CCDC63: variants seen among roughly 807,000 people sequenced by gnomAD.
CCDC63 encodes coiled-coil domain containing 63.
CCDC63 carries 54 observed loss-of-function variants against 63.6 expected under a neutral mutation model. The observed-to-expected ratio is 0.85, with a 90% CI of 0.68 to 1.07. The LOEUF is 1.07. CCDC63 is among the 50% of genes least tolerant of loss of function. The probability of loss-of-function intolerance (pLI) is 0.00; values close to 1 mark genes in which losing one functional copy is unlikely to be tolerated. For synonymous variants in CCDC63, 253 were observed against 266.1 expected, an observed-to-expected ratio of 0.95 and a Z score of 0.48; for missense variants, 637 against 689.6, an observed-to-expected ratio of 0.92 and a Z score of 0.86.
At chr12:110,885,085 T>G (rs1284059498) in intron 8 of CCDC63, among the ~76,000 whole-genome samples, 1 of 152,078 alleles carries the variant, frequency 6.6e-6, no homozygotes, top group Admixed American at 6.6e-5. Context: ...TGGCATGTTT[T>G]ATTAACCAGC....
chr12:110,899,750 G>A (rs1022708061), intron 10 of CCDC63, among the ~76,000 whole-genome samples: 3 of 151,250 alleles, frequency 2.0e-5, no homozygotes, highest in African/African-American at 7.3e-5. Context: ...ACTGTTGGGA[G>A]GCTTAAATAA....
intron 8 of CCDC63, among the ~76,000 whole-genome samples, chr12:110,890,502 T>C (rs1455248328): frequency 6.6e-6 from 1 of 152,098 alleles, no homozygotes; most frequent in Non-Finnish European, 1.5e-5. Context: ...TGTGGGAAAG[T>C]GTAGGCAATT....
chr12:110,855,927 G>A (rs936648965), intron 3 of CCDC63, among the ~76,000 whole-genome samples: 1 of 152,010 alleles, frequency 6.6e-6, no homozygotes, highest in Non-Finnish European at 1.5e-5. Flanking sequence ...ATTTAAGGAA[G>A]CACTTTTCCC....
rs367582595 is a variant in CCDC63, at chr12:110,898,974, G to T, written c.1191G>T (p.Glu397Asp). The change falls in exon 10 of 12, where the codon GAG becomes GAT. Residue 397 changes from glutamate (E) to aspartate (D), a missense_variant. Coordinates refer to ENST00000308208, the MANE Select transcript of CCDC63 (RefSeq NM_152591.3). ...RKTTEEADMYESKYGEVSKTL... is the reference protein window; with the variant it reads ...RKTTEEADMYDSKYGEVSKTL... ...CCACGGAGGAGGCAGATATGTATGA[G>T]AGCAAGTACGGGGAGGTCAGCAAGA... The T allele has an allele frequency of 1.2e-6, 2 of 1,612,538 alleles. No individual in the cohort carries two copies. The highest frequency in any genetic ancestry group is 2.2e-5 in the South Asian group (2 of 90,604).
intron 4 of CCDC63, among the ~76,000 whole-genome samples, chr12:110,862,509 C>G (rs1173486019): frequency 6.6e-6 from 1 of 152,236 alleles, no homozygotes; most frequent in African/African-American, 2.4e-5. Flanking sequence ...GGCTGAATGA[C>G]TCCCAGCATC....
At chr12:110,894,003 A>T (rs1471825208) in intron 9 of CCDC63, among the ~76,000 whole-genome samples, 3 of 151,918 alleles carry the variant, frequency 2.0e-5, no homozygotes, top group Non-Finnish European at 4.4e-5. Flanking sequence ...AAAAAAAAAA[A>T]AAAAGGAAAT....
At chr12:110,895,984 A>G (rs959071364) in intron 9 of CCDC63, among the ~76,000 whole-genome samples, 6 of 152,144 alleles carry the variant, frequency 3.9e-5, no homozygotes, top group African/African-American at 1.4e-4. Context: ...AACTAGGCCG[A>G]TTATGAGGCT....
chr12:110,890,214 G>A (rs1339252586), intron 8 of CCDC63, among the ~76,000 whole-genome samples: 1 of 151,948 alleles, frequency 6.6e-6, no homozygotes, highest in Non-Finnish European at 1.5e-5. Flanking sequence ...TGAAGTGGGA[G>A]GATTGCTTGA....
chr12:110,860,079 C>A (rs2070832970), intron 4 of CCDC63, among the ~76,000 whole-genome samples: 1 of 152,170 alleles, frequency 6.6e-6, no homozygotes, highest in Non-Finnish European at 1.5e-5. Context: ...AATGCAGGAA[C>A]CATTTACAAG....
chr12:110,854,500 G>T (rs2136644327), intron 3 of CCDC63, among the ~76,000 whole-genome samples: 1 of 151,966 alleles, frequency 6.6e-6, no homozygotes, highest in Middle Eastern at 3.4e-3. Flanking sequence ...TCACCACGTT[G>T]GCCAGGCTGG....
intron 4 of CCDC63, among the ~76,000 whole-genome samples, chr12:110,867,176 T>C (rs1405662926): frequency 1.5e-4 from 17 of 114,472 alleles, no homozygotes; most frequent in South Asian, 6.2e-4. Context: ...GGCGGGGGGC[T>C]GACACCCCCA....
rs745675780 is a variant in CCDC63 at position 110,884,275 on chromosome 12, GC to G, written c.1074+28del. The G allele has an allele frequency of 6.3e-6, 10 of 1,591,516 alleles. No homozygotes were observed. The South Asian group carries it at 9.9e-5, about 16-fold the overall frequency. On this transcript the variant is annotated intron_variant, in intron 8 of 11. Transcript: ENST00000308208. ...GGTCAGGGCGGCTCTGCTTTCCCAGGCCCTGGGCCCCTGTGTCCACAGCAGC... is the reference window on the plus strand; with the variant it reads ...GGTCAGGGCGGCTCTGCTTTCCCAGGCCTGGGCCCCTGTGTCCACAGCAGC...
chr12:110,898,120 A>G (rs1358228215), intron 9 of CCDC63, among the ~76,000 whole-genome samples: 1 of 151,732 alleles, frequency 6.6e-6, no homozygotes, highest in Non-Finnish European at 1.5e-5. Flanking sequence ...CATCTCTAAA[A>G]AAAATACAAA....
At chr12:110,906,700 A>G (rs1268507356) in intron 11 of CCDC63, among the ~76,000 whole-genome samples, 1 of 152,070 alleles carries the variant, frequency 6.6e-6, no homozygotes, top group Non-Finnish European at 1.5e-5. Context: ...TGTGTGTTTC[A>G]GCTGAGGAGA....
intron 1 of CCDC63, among the ~76,000 whole-genome samples, chr12:110,851,195 T>C (rs2070700536): frequency 6.6e-6 from 1 of 152,206 alleles, no homozygotes; most frequent in Non-Finnish European, 1.5e-5. Flanking sequence ...TAATGGAATA[T>C]ACTGATTTCT....
intron 4 of CCDC63, among the ~76,000 whole-genome samples, chr12:110,859,451 C>T (rs1210773568): frequency 1.3e-5 from 2 of 151,946 alleles, no homozygotes; most frequent in East Asian, 1.9e-4. Context: ...GGATTACAGG[C>T]GTGCACCACC....
At chr12:110,852,729 G>C in intron 1 of CCDC63, 130 bp from the exon 2 acceptor site, 1 of 647,690 alleles carries the variant, frequency 1.5e-6, no homozygotes, top group African/African-American at 1.8e-5. Flanking sequence ...GCAGCCATCT[G>C]GGTATCCTCC....
At chr12:110,859,240 T>C (rs935215570) in intron 4 of CCDC63, among the ~76,000 whole-genome samples, 1 of 151,944 alleles carries the variant, frequency 6.6e-6, no homozygotes, top group African/African-American at 2.4e-5. Context: ...CCAGGTATTA[T>C]GGGAAAGAAA....
At chr12:110,891,314 AC>A (rs1302907611) in intron 8 of CCDC63, among the ~76,000 whole-genome samples, 1 of 57,414 alleles carries the variant, frequency 1.7e-5, no homozygotes, top group African/African-American at 1.1e-4. Flanking sequence ...TTGTCTCAAA[AC>A]AAACAAACAA....
Sources: allele counts gnomAD v4.1 joint callset (sites outside exome capture counted in the v4.1 genomes callset), GRCh38; gene constraint gnomAD v4.1.1; transcripts MANE v1.5; gene names NCBI Gene and HGNC (gene_info 2026-07-23, HGNC 2026-07-21).